Variants in PCDH9 observed in about 807,000 individuals in gnomAD.
PCDH9 encodes the protein protocadherin 9.
Under a neutral mutation model 70.6 loss-of-function variants are expected in PCDH9, and 24 were observed. The observed-to-expected ratio is 0.34, with a 90% CI of 0.25 to 0.48. PCDH9 has a LOEUF of 0.48. Among genes scored for constraint, PCDH9 ranks in the 20% least tolerant of loss-of-function variants. The pLI is 0.99. For synonymous variants in PCDH9, 562 were observed against 558.5 expected, an observed-to-expected ratio of 1.01 and a Z score of -0.09; for missense variants, 1,281 against 1,503.6, an observed-to-expected ratio of 0.85 and a Z score of 2.45.
intron 4 of PCDH9, among the ~76,000 whole-genome samples, chr13:66,388,516 G>GA (rs1404359156): frequency 2.0e-5 from 3 of 152,124 alleles, no homozygotes; most frequent in Non-Finnish European, 2.9e-5. Flanking sequence ...TGGTGGCTTT[G>GA]AAAATTTATA....
chr13:67,082,399 G>C (rs1273043741), intron 2 of PCDH9, among the ~76,000 whole-genome samples: 1 of 152,146 alleles, frequency 6.6e-6, no homozygotes, highest in Non-Finnish European at 1.5e-5. Flanking sequence ...CAGATTAAAG[G>C]CTGTAACAAA....
intron 2 of PCDH9, among the ~76,000 whole-genome samples, chr13:66,905,327 A>G (rs925856205): frequency 6.6e-6 from 1 of 152,146 alleles, no homozygotes; most frequent in Admixed American, 6.6e-5. Context: ...CATGTATCAT[A>G]TAGTTTTTCT....
rs181322749 is a variant in PCDH9 at position 67,106,859 on chromosome 13, T to A, written c.3036+118546A>T. On this transcript the variant is annotated intron_variant, in intron 2 of 4. Coordinates refer to ENST00000377865, the MANE Select transcript of PCDH9 (RefSeq NM_203487.3). The stretch of plus-strand genomic sequence containing the variant: ...AAGTTGAGGCTGAGCCCAGGAGCTG[T>A]TGCAACACAGCCCTGTGTGTGGGCA... Among the ~76,000 whole-genome samples the A allele has an allele frequency of 2.6e-3, 389 of 152,298 alleles. 3 individuals are homozygous for A. The highest frequency in any genetic ancestry group is 8.9e-3 in the African/African-American group (369 of 41,572).
At chr13:66,865,093 A>C (rs1335643749) in intron 3 of PCDH9, among the ~76,000 whole-genome samples, 4 of 152,196 alleles carry the variant, frequency 2.6e-5, no homozygotes, top group Non-Finnish European at 2.9e-5. Flanking sequence ...ACTTTTATGA[A>C]GTTTTTGCTT....
chr13:66,997,768 C>T (rs1353723237), intron 2 of PCDH9, among the ~76,000 whole-genome samples: 6 of 152,206 alleles, frequency 3.9e-5, no homozygotes, highest in Non-Finnish European at 8.8e-5. Context: ...CCCCTGACCT[C>T]GTGATCCGCC....
intron 2 of PCDH9, among the ~76,000 whole-genome samples, chr13:66,980,742 G>GTTTTTTTTTTTTTTTTTTT (rs550869529): frequency 1.9e-5 from 2 of 107,382 alleles, no homozygotes; most frequent in Admixed American, 1.1e-4. Context: ...TTTTTTTTTT[G>GTTTTTTTTTTTTTTTTTTT]TTTTTTTTTT....
At chr13:66,950,668 C>T (rs1284445020) in intron 2 of PCDH9, among the ~76,000 whole-genome samples, 2 of 151,920 alleles carry the variant, frequency 1.3e-5, no homozygotes, top group African/African-American at 4.8e-5. Context: ...AACAGGTGAC[C>T]ATAGGTATCT....
chr13:67,106,601 AGGT>A (rs1467735920), intron 2 of PCDH9, among the ~76,000 whole-genome samples: 3 of 152,184 alleles, frequency 2.0e-5, no homozygotes, highest in African/African-American at 7.2e-5. Flanking sequence ...GCAGCGGAGG[AGGT>A]GAGGCCAGGG....
At chr13:66,892,619 T>C (rs1406468157) in intron 3 of PCDH9, among the ~76,000 whole-genome samples, 4 of 152,042 alleles carry the variant, frequency 2.6e-5, no homozygotes, top group Admixed American at 2.0e-4. Context: ...ATCATACTTG[T>C]AATAAGACAT....
intron 2 of PCDH9, among the ~76,000 whole-genome samples, chr13:67,051,916 T>C (rs1252929933): frequency 6.6e-6 from 1 of 152,142 alleles, no homozygotes; most frequent in African/African-American, 2.4e-5. Context: ...ATAGCCACAA[T>C]TTATGCTATG....
chr13:66,535,339 A>T (rs1416791016), intron 4 of PCDH9, among the ~76,000 whole-genome samples: 6 of 151,982 alleles, frequency 3.9e-5, no homozygotes, highest in Non-Finnish European at 5.9e-5. Context: ...CCAATATGAA[A>T]TTTTTTAAAA....
Position 66,437,244 on chromosome 13 carries a change from A to G in PCDH9, c.3341-132216T>C, listed in dbSNP as rs186420050. Among the ~76,000 whole-genome samples the G allele has an allele frequency of 4.7e-3, 711 of 151,728 alleles. 7 individuals carry two copies. Among genetic ancestry groups the G allele is most frequent in the African/African-American group, 0.017 (688 of 41,340 alleles). ...AACACGGTGAAACCCCGTCTCTACT[A>G]AAAATACAAAACATTAGCCGGGCGT... On this transcript the variant is annotated intron_variant, in intron 4 of 4. Coordinates refer to ENST00000377865, the MANE Select transcript of PCDH9 (RefSeq NM_203487.3).
At chr13:66,983,440 G>A (rs2083818341) in intron 2 of PCDH9, among the ~76,000 whole-genome samples, 2 of 151,994 alleles carry the variant, frequency 1.3e-5, no homozygotes, top group Non-Finnish European at 2.9e-5. Context: ...TCATGAAAAA[G>A]TGAGTGTGAA....
At chr13:66,451,167 A>G (rs1566335692) in intron 4 of PCDH9, among the ~76,000 whole-genome samples, 1 of 152,238 alleles carries the variant, frequency 6.6e-6, no homozygotes, top group African/African-American at 2.4e-5. Flanking sequence ...ATTGAAAAAT[A>G]TATTTTAAAA....
intron 2 of PCDH9, among the ~76,000 whole-genome samples, chr13:66,987,953 C>T (rs1473601577): frequency 6.6e-6 from 1 of 151,752 alleles, no homozygotes; most frequent in Non-Finnish European, 1.5e-5. Context: ...GGCTGGAGTG[C>T]AGTGCTAGAA....
At chr13:66,414,598 GA>G (rs1335422066) in intron 4 of PCDH9, among the ~76,000 whole-genome samples, 2 of 152,176 alleles carry the variant, frequency 1.3e-5, no homozygotes, top group African/African-American at 2.4e-5. Context: ...AATAGCTAAT[GA>G]AGTCCAGGAG....
chr13:66,758,713 A>G (rs7986311), intron 3 of PCDH9, among the ~76,000 whole-genome samples: 12,382 of 152,008 alleles, frequency 0.081, 530 homozygotes, highest in East Asian at 0.14. Flanking sequence ...TTATTCTTTA[A>G]ATGTTTGATA....
chr13:66,547,921 ATAT>A (rs1272078261), intron 4 of PCDH9, among the ~76,000 whole-genome samples: 3 of 147,082 alleles, frequency 2.0e-5, no homozygotes, highest in Non-Finnish European at 4.5e-5. Context: ...ATATTTAATC[ATAT>A]TATATAATAA....
intron 2 of PCDH9, among the ~76,000 whole-genome samples, chr13:67,001,134 C>T (rs1355663819): frequency 2.6e-5 from 4 of 152,118 alleles, no homozygotes; most frequent in Non-Finnish European, 5.9e-5. Flanking sequence ...GTGTCTGATT[C>T]AAATGTTTAT....
Sources: allele counts gnomAD v4.1 joint callset (sites outside exome capture counted in the v4.1 genomes callset), GRCh38; gene constraint gnomAD v4.1.1; transcripts MANE v1.5; gene names NCBI Gene and HGNC (gene_info 2026-07-23, HGNC 2026-07-21).